The following ACO2 variants were observed in gnomAD, a reference collection of about 807,000 sequenced individuals.
ACO2 encodes the protein aconitase 2, also known as aconitate hydratase, mitochondrial.
ACO2 carries 31 observed loss-of-function variants against 84.5 expected under a neutral mutation model. That is an observed-to-expected ratio of 0.37 (90% confidence interval 0.28 to 0.50). ACO2 has a LOEUF of 0.50. Ranked by LOEUF, ACO2 falls within the 20% of genes least tolerant of loss-of-function variation. The probability of loss-of-function intolerance (pLI) is 0.97; values close to 1 mark genes in which losing one functional copy is unlikely to be tolerated. For missense variants in ACO2, 685 were observed against 1,029.3 expected, an observed-to-expected ratio of 0.67 and a Z score of 4.58; for synonymous variants, 414 against 412.7, an observed-to-expected ratio of 1.00 and a Z score of -0.04.
chr22:41,478,963 G>T (rs1453027017), intron 1 of ACO2, among the ~76,000 whole-genome samples: 1 of 152,034 alleles, frequency 6.6e-6, no homozygotes, highest in Non-Finnish European at 1.5e-5. Context: ...CACTTCTTTA[G>T]TTCCTTGTAG....
At chr22:41,516,024 TC>T in intron 6 of ACO2, 107 bp downstream of exon 6, 1 of 1,440,864 alleles carries the variant, frequency 6.9e-7, no homozygotes, top group Non-Finnish European at 9.6e-7. Context: ...ATCTGTCTGT[TC>T]CATTTGGGGA....
chr22:41,525,453 C>A, intron 14 of ACO2, 105 bp downstream of exon 14: 1 of 1,412,272 alleles, frequency 7.1e-7, no homozygotes, highest in South Asian at 1.3e-5. Context: ...ACAGTCAAGA[C>A]GCAGGTGGGA....
rs188233863 is a variant in ACO2 at position 41,499,761 on chromosome 22, A to G, written c.72A>G (p.Ser24=). Reference sequence around the variant, plus strand: ...GTGTGCGGCAGTACCATGTGGCCTCAGTCCTGTGCCAACGGGCCAAGGTGG... The same window carrying G: ...GTGTGCGGCAGTACCATGTGGCCTCGGTCCTGTGCCAACGGGCCAAGGTGG... The part of the protein sequence containing the change: ...ALGVRQYHVA[S]VLCQRAKVAM... Residue 24 remains serine (S), a synonymous_variant, in exon 2 of 18, where the codon TCA becomes TCG. Coordinates refer to ENST00000216254, the MANE Select transcript of ACO2 (RefSeq NM_001098.3). 535 of 1,613,636 alleles carry G rather than the reference A, an allele frequency of 3.3e-4. 2 individuals are homozygous for G. Among genetic ancestry groups the G allele is most frequent in the Non-Finnish European group, 4.3e-4 (506 of 1,180,028 alleles).
rs1847827130 is a variant in ACO2 at position 41,507,679 on chromosome 22, C to T, written c.174-112C>T. On this transcript the variant is annotated intron_variant, in intron 2 of 17. Transcript: ENST00000216254. ...GGAACGTTGAGGTCCTGAGTTCAGA[C>T]TCCCTGTCCCTGGCCACTGTTGAGG... The T allele has an allele frequency of 2.8e-6, 4 of 1,447,210 alleles. No individual in the cohort carries two copies. The South Asian group carries it at 5.5e-5, about 20-fold the overall frequency. The allele number at this position is 1,447,210 out of a possible 1,614,324, so 89.6% of individuals were successfully genotyped here. A position where few individuals can be genotyped will look rare whatever the true frequency, so the allele number is the denominator to read the frequency against.
intron 14 of ACO2, 89 bp from the exon 15 acceptor site, chr22:41,526,173 C>T: frequency 2.4e-6 from 3 of 1,264,912 alleles, no homozygotes; most frequent in East Asian, 2.4e-5. Flanking sequence ...CTCCTGGGCC[C>T]CGGGGCCTGC....
intron 1 of ACO2, among the ~76,000 whole-genome samples, chr22:41,486,850 TTTC>T (rs1037000487): frequency 5.3e-5 from 8 of 151,952 alleles, no homozygotes; most frequent in African/African-American, 1.9e-4. Context: ...TTTTCTGCCA[TTTC>T]TTCTTCACTT....
chr22:41,525,738 CCA>C (rs1297746790), intron 14 of ACO2: 4 of 242,852 alleles, frequency 1.6e-5, no homozygotes, highest in Non-Finnish European at 3.2e-5. Flanking sequence ...ACTCCTGCCC[CCA>C]CAGTTGGGCA....
At position 41,527,384 on chromosome 22, in the gene ACO2, C is replaced by T. The variant is rs768950391; in HGVS notation, c.2050C>T (p.Arg684Trp). Reference sequence around the variant, plus strand: ...TCTGGAGCCTCGCCACCTTGGGGGCCGGGCCATCATCACCAAGAGCTTTGC... The same window carrying T: ...TCTGGAGCCTCGCCACCTTGGGGGCTGGGCCATCATCACCAAGAGCTTTGC... ...AALEPRHLGG[R>W]AIITKSFARI... Residue 684 changes from arginine (R) to tryptophan (W), a missense_variant, in exon 16 of 18, where the codon CGG becomes TGG. Physicochemically the swap from Arg to Trp is moderately radical, Grantham distance 101 (BLOSUM62 -3). Transcript: ENST00000216254. 7.7e-5 allele frequency: 125 copies of T among 1,613,380 alleles called. 1 individual carries two copies. The highest frequency in any genetic ancestry group is 1.0e-4 in the Non-Finnish European group (120 of 1,179,918).
intron 9 of ACO2, 38 bp from the exon 10 acceptor site, chr22:41,522,789 TCTC>T: frequency 6.2e-7 from 1 of 1,606,450 alleles, no homozygotes; most frequent in East Asian, 2.2e-5. Context: ...CTGCTCACTG[TCTC>T]CTCCTGACCC....
Position 41,528,255 on chromosome 22 carries a change from A to C in ACO2, c.2209-224A>C, listed in dbSNP as rs1356196061. On this transcript the variant is annotated intron_variant, in intron 17 of 17. Coordinates refer to ENST00000216254, the MANE Select transcript of ACO2 (RefSeq NM_001098.3). ...CTCCCTTTACTCACCAGGACCTGGCACTCAGGGGACAGCCCACCCACTGCA... is the reference window on the plus strand; with the variant it reads ...CTCCCTTTACTCACCAGGACCTGGCCCTCAGGGGACAGCCCACCCACTGCA... The C allele has an allele frequency of 1.6e-5, 13 of 833,412 alleles. No individual in the cohort carries two copies. The East Asian group carries it at 3.5e-4, about 22-fold the overall frequency. The allele number at this position is 833,412 out of a possible 1,614,324, so 51.6% of individuals were successfully genotyped here.
chr22:41,485,951 T>G (rs923692043), intron 1 of ACO2, among the ~76,000 whole-genome samples: 2 of 151,918 alleles, frequency 1.3e-5, no homozygotes, highest in African/African-American at 4.9e-5. Context: ...CTTCACTTGG[T>G]GAGTCTCTGT....
chr22:41,520,059 A>G lies in ACO2; in HGVS notation c.1033-112A>G, dbSNP rs2066509824. ...TCCCTGTGATGAGGTTTCAGTCAAG[A>G]GAAAGTCGTTGGCCTCTCTGTGGGG... is the stretch of plus-strand genomic sequence containing the variant. On this transcript the variant is annotated intron_variant, in intron 8 of 17. Coordinates refer to ENST00000216254, the MANE Select transcript of ACO2 (RefSeq NM_001098.3). 4.6e-6 allele frequency: 4 copies of G among 876,626 alleles called. No individual in the cohort carries two copies. The Admixed American group carries it at 9.2e-5, about 20-fold the overall frequency. The allele number at this position is 876,626 out of a possible 1,614,324, so 54.3% of individuals were successfully genotyped here. A position where few individuals can be genotyped will look rare whatever the true frequency, so the allele number is the denominator to read the frequency against.
intron 4 of ACO2, among the ~76,000 whole-genome samples, chr22:41,513,867 C>T (rs752753221): frequency 4.6e-5 from 7 of 152,208 alleles, no homozygotes; most frequent in Non-Finnish European, 1.0e-4. Context: ...TCACGGCCAG[C>T]GTCATCGTGA....
At chr22:41,528,387 C>T in intron 17 of ACO2, 92 bp from the exon 18 acceptor site, 1 of 1,535,268 alleles carries the variant, frequency 6.5e-7, no homozygotes, top group Non-Finnish European at 8.8e-7. Flanking sequence ...CCTCTTAGGT[C>T]CCCAGGCAGT....
chr22:41,517,663 G>T, intron 7 of ACO2, 32 bp downstream of exon 7: 1 of 1,568,374 alleles, frequency 6.4e-7, no homozygotes, highest in Non-Finnish European at 8.8e-7. Flanking sequence ...CGTGTGGGTG[G>T]AACAGTCACA....
intron 15 of ACO2, 127 bp downstream of exon 15, chr22:41,526,580 G>A: frequency 9.2e-7 from 1 of 1,082,580 alleles, no homozygotes; most frequent in Non-Finnish European, 1.3e-6. Context: ...GGGGACTGCT[G>A]TGGAAGGGAG....
In ACO2 at chr22:41,511,757, G is replaced by A. The variant is rs907105380; in HGVS notation, c.433-119G>A. 9.0e-6 allele frequency: 6 copies of A among 668,778 alleles called. No individual in the cohort carries two copies. The East Asian group carries it at 1.9e-4, about 21-fold the overall frequency. 41.4% of individuals were successfully genotyped at this position (668,778 alleles called of 1,614,324 possible). A position where few individuals can be genotyped will look rare whatever the true frequency, so the allele number is the denominator to read the frequency against. On this transcript the variant is annotated intron_variant, in intron 3 of 17. Coordinates refer to ENST00000216254, the MANE Select transcript of ACO2 (RefSeq NM_001098.3). ...TTAGAAGGTCTCTAAGAGAGGGCCT[G>A]TCTCCAGTGCCAGTATTTCAGAGTC...
chr22:41,479,664 G>T (rs953490828), intron 1 of ACO2, among the ~76,000 whole-genome samples: 5 of 152,218 alleles, frequency 3.3e-5, no homozygotes, highest in African/African-American at 7.2e-5. Context: ...TGAGGCTGGT[G>T]GGGGAGAGGC....
At chr22:41,521,049 A>AAAAAAAAAAAG (rs1445863153) in intron 9 of ACO2, among the ~76,000 whole-genome samples, 1 of 151,104 alleles carries the variant, frequency 6.6e-6, no homozygotes, top group African/African-American at 2.4e-5. Flanking sequence ...AAAAAAAAAA[A>AAAAAAAAAAAG]AAAAAAAAAA....
Sources: allele counts gnomAD v4.1 joint callset (sites outside exome capture counted in the v4.1 genomes callset), GRCh38; gene constraint gnomAD v4.1.1; transcripts MANE v1.5; gene names NCBI Gene and HGNC (gene_info 2026-07-23, HGNC 2026-07-21).